The following RC3H1 variants were observed in gnomAD, a reference collection of about 807,000 sequenced individuals.
RC3H1 encodes the protein ring finger and CCCH-type domains 1.
Under a neutral mutation model 138.2 loss-of-function variants are expected in RC3H1, and 50 were observed. That is an observed-to-expected ratio of 0.36 (90% CI 0.29 to 0.46). The LOEUF (loss-of-function observed/expected upper bound fraction) is 0.46. RC3H1 is among the 20% of genes least tolerant of loss of function. RC3H1 has a pLI of 1.00. For missense variants in RC3H1, 1,031 were observed against 1,388.1 expected (o/e 0.74, Z 4.09); for synonymous variants, 462 against 489.1 (o/e 0.94, Z 0.73).
intron 19 of RC3H1, 136 bp from the exon 20 acceptor site, chr1:173,939,007 T>C: frequency 1.6e-6 from 1 of 626,316 alleles, no homozygotes; most frequent in Non-Finnish European, 2.5e-6. Context: ...CCCTTATCCA[T>C]GTTTTAGCAC....
intron 1 of RC3H1, among the ~76,000 whole-genome samples, chr1:174,018,876 T>C (rs772472607): frequency 6.6e-6 from 1 of 152,156 alleles, no homozygotes; most frequent in Non-Finnish European, 1.5e-5. Context: ...TTTCAAGATA[T>C]ATGCAAGAGT....
In RC3H1 at chr1:173,936,984, AAAAG is replaced by A. The variant is rs1424677442; in HGVS notation, c.*1733_*1736del. On this transcript the variant is annotated 3_prime_UTR_variant, in exon 20 of 20. Coordinates refer to ENST00000367696, the MANE Select transcript of RC3H1 (RefSeq NM_172071.4). ...TATATATAAATTTTTATTTAAATAA[AAAAG>A]AAAGCTCGAATCCCAAGCCAATATG... 1 of 149,778 alleles carries A rather than the reference AAAAG, an allele frequency of 6.7e-6. No homozygotes were observed. Among genetic ancestry groups the A allele is most frequent in the Non-Finnish European group, 1.5e-5 (1 of 67,474 alleles). 9.3% of individuals were successfully genotyped at this position (149,778 alleles called of 1,614,324 possible). A position where few individuals can be genotyped will look rare whatever the true frequency, so the allele number is the denominator to read the frequency against.
intron 2 of RC3H1, among the ~76,000 whole-genome samples, chr1:173,989,096 G>A (rs1030396134): frequency 2.6e-5 from 4 of 152,186 alleles, no homozygotes; most frequent in East Asian, 1.9e-4. Flanking sequence ...TGCTGCGATC[G>A]AGGCTCACTG....
intron 7 of RC3H1, among the ~76,000 whole-genome samples, chr1:173,973,347 C>T (rs1269058061): frequency 6.6e-6 from 1 of 152,054 alleles, no homozygotes; most frequent in Admixed American, 6.6e-5. Flanking sequence ...ACCATCCTGG[C>T]CAGCATTGTG....
chr1:173,965,420 G>A (rs946599573), intron 9 of RC3H1, among the ~76,000 whole-genome samples: 13 of 152,000 alleles, frequency 8.6e-5, no homozygotes, highest in Admixed American at 5.9e-4. Context: ...GTGAAGCTCC[G>A]TCTCTAATAA....
chr1:174,003,540 C>T (rs548646657), intron 1 of RC3H1, among the ~76,000 whole-genome samples: 17 of 152,228 alleles, frequency 1.1e-4, no homozygotes, highest in African/African-American at 3.6e-4. Context: ...ATTCCCAATA[C>T]CAACATCTCT....
At chr1:173,967,301 C>G (rs1414519504) in intron 9 of RC3H1, among the ~76,000 whole-genome samples, 1 of 152,016 alleles carries the variant, frequency 6.6e-6, no homozygotes, top group African/African-American at 2.4e-5. Flanking sequence ...GCCTGGGAGA[C>G]AGAGTAAGAC....
intron 8 of RC3H1, among the ~76,000 whole-genome samples, chr1:173,972,023 G>A (rs1451844237): frequency 6.6e-6 from 1 of 151,816 alleles, no homozygotes; most frequent in Admixed American, 6.6e-5. Context: ...AAACTTTGAG[G>A]GAGATTTGGC....
In RC3H1 at chr1:173,936,730, CATATATATAT is replaced by C. The variant is rs1210669077; in HGVS notation, c.*1981_*1990del. 10 of 46,786 alleles carry C rather than the reference CATATATATAT, an allele frequency of 2.1e-4. No individual in the cohort carries two copies. The highest frequency in any genetic ancestry group is 9.0e-4 in the South Asian group (1 of 1,108). The allele number at this position is 46,786 out of a possible 1,614,324, so 2.9% of individuals were successfully genotyped here. On this transcript the variant is annotated 3_prime_UTR_variant, in exon 20 of 20. Coordinates refer to ENST00000367696, the MANE Select transcript of RC3H1 (RefSeq NM_172071.4). ...AGCCAAAAAAAAAAGAAAAAGCATA[CATATATATAT>C]ATATATATATATATATATATATTTT...
chr1:173,980,256 A>G (rs934342618), intron 6 of RC3H1, among the ~76,000 whole-genome samples: 5 of 105,812 alleles, frequency 4.7e-5, no homozygotes, highest in African/African-American at 1.3e-4. Context: ...TAGAAATAGG[A>G]AAAAAAAAAA....
chr1:173,991,089 G>T (rs182850154), intron 2 of RC3H1, among the ~76,000 whole-genome samples: 80 of 152,268 alleles, frequency 5.3e-4, no homozygotes, highest in African/African-American at 1.9e-3. Context: ...AATTAGCTGG[G>T]TATGGTAGTG....
intron 10 of RC3H1, 27 bp from the exon 11 acceptor site, chr1:173,964,214 T>TTTA (rs1660002046): frequency 1.3e-6 from 2 of 1,541,718 alleles, no homozygotes; most frequent in Non-Finnish European, 1.8e-6. Context: ...ATGGAAGTTG[T>TTTA]TTAAAAAATA....
chr1:174,013,933 T>C (rs1381947151), intron 1 of RC3H1, among the ~76,000 whole-genome samples: 2 of 152,100 alleles, frequency 1.3e-5, no homozygotes, highest in South Asian at 4.2e-4. Flanking sequence ...CGAAGAGACC[T>C]AAATGCATAT....
At chr1:173,971,928 G>C (rs193025161) in intron 8 of RC3H1, among the ~76,000 whole-genome samples, 131 of 152,114 alleles carry the variant, frequency 8.6e-4, no homozygotes, top group Admixed American at 2.0e-3. Context: ...TATAAATCCT[G>C]AGAGCAAAAT....
chr1:173,975,056 TG>T (rs2102983840), intron 7 of RC3H1, among the ~76,000 whole-genome samples: 1 of 152,286 alleles, frequency 6.6e-6, no homozygotes, highest in East Asian at 1.9e-4. Flanking sequence ...AGATTCAGTT[TG>T]AAATGCTTAT....
At chr1:174,009,155 A>G (rs1661707372) in intron 1 of RC3H1, 1 of 152,114 alleles carries the variant, frequency 6.6e-6, no homozygotes, top group Non-Finnish European at 1.5e-5. Context: ...TGTGCATGTT[A>G]TAGGGAAGAG....
intron 1 of RC3H1, among the ~76,000 whole-genome samples, chr1:173,993,485 C>G (rs1661378817): frequency 6.6e-6 from 1 of 151,440 alleles, no homozygotes. Flanking sequence ...CCTCCGTCTC[C>G]TGGGTTCAAG....
intron 1 of RC3H1, among the ~76,000 whole-genome samples, chr1:173,998,640 AC>A (rs1407321032): frequency 6.6e-6 from 1 of 152,180 alleles, no homozygotes; most frequent in Non-Finnish European, 1.5e-5. Flanking sequence ...ACAGAATATC[AC>A]ATCTGACATT....
Position 173,983,661 on chromosome 1 carries a change from T to C in RC3H1, c.353-4A>G. The C allele has an allele frequency of 1.9e-6, 3 of 1,613,174 alleles. No homozygotes were observed. Among genetic ancestry groups the C allele is most frequent in the Non-Finnish European group, 1.7e-6 (2 of 1,179,498 alleles). On this transcript the variant is annotated splice_region_variant and splice_polypyrimidine_tract_variant and intron_variant, in intron 3 of 19. Coordinates refer to ENST00000367696, the MANE Select transcript of RC3H1 (RefSeq NM_172071.4). ...GTAGTGCTGTTCAGACCCACTCCTT[T>C]AAAAGAGTAAAGAAGTTATTCCTAG...
Sources: gnomAD v4.1 joint callset for allele counts (sites outside exome capture counted in the v4.1 genomes callset) on GRCh38, gnomAD v4.1.1 for gene constraint, MANE v1.5 for transcripts, NCBI Gene and HGNC (gene_info 2026-07-23, HGNC 2026-07-21) for gene names.